FBXW11: variants seen among roughly 807,000 people sequenced by gnomAD.
FBXW11 encodes F-box/WD repeat-containing protein 11.
Under a neutral mutation model 77.6 loss-of-function variants are expected in FBXW11, and 19 were observed. The observed-to-expected ratio is 0.24, with a 90% CI of 0.17 to 0.36. FBXW11 has a LOEUF of 0.36. Ranked by LOEUF, FBXW11 falls within the 10% of genes least tolerant of loss-of-function variation. The pLI is 1.00. For missense variants in FBXW11, 334 were observed against 704.2 expected (o/e 0.47, Z 5.95); for synonymous variants, 235 against 249.4 (o/e 0.94, Z 0.54).
chr5:171,977,661 A>G (rs2113467735), intron 1 of FBXW11: 2 of 451,198 alleles, frequency 4.4e-6, no homozygotes, highest in African/African-American at 2.0e-5. Flanking sequence ...GGGAGGCCTC[A>G]TAATCATGGC....
At chr5:171,905,596 C>G (rs1482583219) in intron 4 of FBXW11, among the ~76,000 whole-genome samples, 4 of 102,148 alleles carry the variant, frequency 3.9e-5, no homozygotes, top group African/African-American at 1.1e-4. Context: ...CTAACCCCCC[C>G]CCCTTTATTT....
At chr5:171,932,583 C>T (rs1281690958) in intron 2 of FBXW11, among the ~76,000 whole-genome samples, 2 of 152,116 alleles carry the variant, frequency 1.3e-5, no homozygotes, top group Non-Finnish European at 2.9e-5. Context: ...AAGTACAACA[C>T]ATTTTTGTAA....
intron 7 of FBXW11, among the ~76,000 whole-genome samples, chr5:171,889,746 G>T (rs968968070): frequency 6.6e-6 from 1 of 151,770 alleles, no homozygotes; most frequent in Admixed American, 6.6e-5. Flanking sequence ...AAAGTAGCTG[G>T]GCATGGTGGC....
chr5:171,935,477 G>C (rs1247461386), intron 2 of FBXW11, among the ~76,000 whole-genome samples: 1 of 152,120 alleles, frequency 6.6e-6, no homozygotes, highest in African/African-American at 2.4e-5. Context: ...ACTACATGTT[G>C]AAAGGGGCTC....
At chr5:171,879,569 G>C (rs770824576) in intron 7 of FBXW11, among the ~76,000 whole-genome samples, 3 of 152,244 alleles carry the variant, frequency 2.0e-5, no homozygotes, top group Non-Finnish European at 4.4e-5. Flanking sequence ...AGCAATGAAT[G>C]AAAGTTCCTG....
chr5:172,006,394 G>T, intron 1 of FBXW11, 64 bp downstream of exon 1: 1 of 1,421,778 alleles, frequency 7.0e-7, no homozygotes, highest in Non-Finnish European at 9.5e-7. Context: ...CGGACGTTGA[G>T]GTGGGCAGGC....
chr5:171,952,420 T>TAC (rs1763373507), intron 2 of FBXW11, among the ~76,000 whole-genome samples: 2 of 36,890 alleles, frequency 5.4e-5, no homozygotes, highest in Non-Finnish European at 1.2e-4. Context: ...TGTGTGTACA[T>TAC]ACATATATAT....
chr5:172,004,279 T>C (rs1437601898), intron 1 of FBXW11, among the ~76,000 whole-genome samples: 2 of 152,242 alleles, frequency 1.3e-5, no homozygotes, highest in Admixed American at 6.5e-5. Flanking sequence ...TTAACTGATA[T>C]CCCTTTCAGG....
rs1257975306 is a variant in FBXW11, at chr5:171,962,298, T to TCTGTTA, written c.46-4601_46-4600insTAACAG. On this transcript the variant is annotated intron_variant, in intron 1 of 13. Transcript: ENST00000517395. ...CAAGAGAAACAACCCAGGAGGATCA[T>TCTGTTA]AGTGGGGATACTTAACAGAAGACTT... 1.3e-3 allele frequency among the ~76,000 whole-genome samples: 205 copies of TCTGTTA among 152,296 alleles called. 1 individual carries two copies. The highest frequency in any genetic ancestry group is 1.7e-3 in the Non-Finnish European group (118 of 68,022).
intron 1 of FBXW11, among the ~76,000 whole-genome samples, chr5:171,990,479 G>C (rs1271157233): frequency 6.6e-6 from 1 of 152,172 alleles, no homozygotes; most frequent in Non-Finnish European, 1.5e-5. Flanking sequence ...CACCTAGTCA[G>C]TATGCCCAAG....
chr5:171,906,303 C>A (rs942967985), intron 4 of FBXW11, among the ~76,000 whole-genome samples: 1 of 152,024 alleles, frequency 6.6e-6, no homozygotes, highest in African/African-American at 2.4e-5. Flanking sequence ...GAAAACAATG[C>A]AATTGCTAAC....
chr5:171,955,309 C>G (rs1218326818), intron 2 of FBXW11, among the ~76,000 whole-genome samples: 2 of 152,294 alleles, frequency 1.3e-5, no homozygotes, highest in East Asian at 3.9e-4. Flanking sequence ...GGGACTCTTT[C>G]ATGGAACTTC....
chr5:171,893,435 A>AAAAAAAAAAAAAC (rs1759511534), intron 6 of FBXW11, among the ~76,000 whole-genome samples: 1 of 147,820 alleles, frequency 6.8e-6, no homozygotes, highest in African/African-American at 2.5e-5. Context: ...AAAAAAAAAA[A>AAAAAAAAAAAAAC]AAAAAAAAAA....
intron 1 of FBXW11, among the ~76,000 whole-genome samples, chr5:171,962,475 A>G (rs936558387): frequency 6.6e-6 from 1 of 152,228 alleles, no homozygotes; most frequent in African/African-American, 2.4e-5. Flanking sequence ...ATTAGATTGT[A>G]TATTTGTAGG....
intron 1 of FBXW11, among the ~76,000 whole-genome samples, chr5:171,969,912 C>T (rs1377983468): frequency 6.6e-6 from 1 of 152,092 alleles, no homozygotes; most frequent in Non-Finnish European, 1.5e-5. Context: ...ACTGTGTTGG[C>T]CAGGCTGGTC....
chr5:171,906,466 A>G (rs1760531203), intron 4 of FBXW11, among the ~76,000 whole-genome samples: 1 of 152,242 alleles, frequency 6.6e-6, no homozygotes, highest in Non-Finnish European at 1.5e-5. Flanking sequence ...ACAGACACCT[A>G]TATGATGTCA....
At chr5:171,900,641 A>G (rs1266514164) in intron 4 of FBXW11, among the ~76,000 whole-genome samples, 2 of 152,206 alleles carry the variant, frequency 1.3e-5, no homozygotes, top group Non-Finnish European at 2.9e-5. Flanking sequence ...ACACCGACTC[A>G]TCTTGAAAAA....
chr5:171,866,707 T>C (rs1757417807), intron 13 of FBXW11, among the ~76,000 whole-genome samples: 1 of 152,214 alleles, frequency 6.6e-6, no homozygotes, highest in South Asian at 2.1e-4. Context: ...TTAAGCAGTT[T>C]TTACTTGGGT....
chr5:171,917,166 G>A (rs1458113279), intron 2 of FBXW11, among the ~76,000 whole-genome samples: 1 of 152,080 alleles, frequency 6.6e-6, no homozygotes, highest in Non-Finnish European at 1.5e-5. Context: ...TGATCTGCCC[G>A]CCTCAGCCTC....
Sources: allele counts gnomAD v4.1 joint callset (sites outside exome capture counted in the v4.1 genomes callset), GRCh38; gene constraint gnomAD v4.1.1; transcripts MANE v1.5; gene names NCBI Gene and HGNC (gene_info 2026-07-23, HGNC 2026-07-21).